SGCZ: variants seen among roughly 807,000 people sequenced by gnomAD.
SGCZ encodes zeta-sarcoglycan.
A neutral mutation model predicts 41.3 loss-of-function variants in SGCZ; 40 were observed. That is an observed-to-expected ratio of 0.97 (90% confidence interval 0.75 to 1.26). The LOEUF (loss-of-function observed/expected upper bound fraction) is 1.26. SGCZ is among the 50% of genes most tolerant of loss of function. The pLI is 0.00. For missense variants in SGCZ, 552 were observed against 369.8 expected (o/e 1.49, Z -4.04); for synonymous variants, 206 against 137.5 (o/e 1.50, Z -3.49).
intron 1 of SGCZ, among the ~76,000 whole-genome samples, chr8:14,644,189 T>G (rs1434708420): frequency 6.6e-6 from 1 of 151,734 alleles, no homozygotes; most frequent in Non-Finnish European, 1.5e-5. Flanking sequence ...CATCTAGATA[T>G]TGCTATAAAG....
At chr8:15,159,750 C>CG (rs1429917534) in intron 1 of SGCZ, among the ~76,000 whole-genome samples, 1 of 51,016 alleles carries the variant, frequency 2.0e-5, no homozygotes, top group African/African-American at 5.9e-5. Flanking sequence ...ACCCTCCCCC[C>CG]CACCCCCGCC....
intron 1 of SGCZ, among the ~76,000 whole-genome samples, chr8:15,205,899 G>T (rs1292635097): frequency 6.6e-6 from 1 of 152,112 alleles, no homozygotes; most frequent in Admixed American, 6.6e-5. Flanking sequence ...GGAATACTAT[G>T]CAGTCATAAA....
intron 2 of SGCZ, among the ~76,000 whole-genome samples, chr8:14,448,387 A>C (rs1800495674): frequency 6.6e-6 from 1 of 152,238 alleles, no homozygotes; most frequent in African/African-American, 2.4e-5. Context: ...AAACTGTTAC[A>C]GTGGGCCTCA....
In SGCZ at chr8:14,342,956, C is replaced by G. The variant is rs180991378; in HGVS notation, c.235-18752G>C. On this transcript the variant is annotated intron_variant, in intron 2 of 7. Transcript: ENST00000382080. ...GCCCAGGGTCCCTGGGCTGTGTGTG[C>G]AGCCTAGGGATTTGGTGCCCTGTGT... 6.3e-3 allele frequency among the ~76,000 whole-genome samples: 963 copies of G among 152,208 alleles called. 8 individuals are homozygous for G. The highest frequency in any genetic ancestry group is 0.02 in the South Asian group (98 of 4,828).
At chr8:14,760,527 A>C (rs145990449) in intron 1 of SGCZ, among the ~76,000 whole-genome samples, 1 of 152,212 alleles carries the variant, frequency 6.6e-6, no homozygotes, top group Non-Finnish European at 1.5e-5. Context: ...AAATGTATGC[A>C]TGTATTTTAT....
At chr8:14,662,920 T>C (rs1034632322) in intron 1 of SGCZ, among the ~76,000 whole-genome samples, 4 of 152,008 alleles carry the variant, frequency 2.6e-5, no homozygotes. Flanking sequence ...CTCTAGAAGA[T>C]AGAAATGGGT....
rs182602598 is a variant in SGCZ at position 14,947,231 on chromosome 8, A to G, written c.39+290354T>C. Among the ~76,000 whole-genome samples, 634 of 152,294 alleles carry G rather than the reference A, an allele frequency of 4.2e-3. 5 individuals carry two copies. The highest frequency in any genetic ancestry group is 0.018 in the South Asian group (86 of 4,826). Reference sequence around the variant, plus strand: ...ATGAGCACAGAGACAAAAGCGAAATATCCCGGAAGTATTTCAAATTTCTTA... The same window carrying G: ...ATGAGCACAGAGACAAAAGCGAAATGTCCCGGAAGTATTTCAAATTTCTTA... On this transcript the variant is annotated intron_variant, in intron 1 of 7. Transcript: ENST00000382080.
chr8:14,563,852 T>C (rs1804279154), intron 1 of SGCZ, among the ~76,000 whole-genome samples: 1 of 152,186 alleles, frequency 6.6e-6, no homozygotes, highest in African/African-American at 2.4e-5. Context: ...CAGAATGCAA[T>C]TGTATATTGA....
At chr8:14,469,818 G>A (rs928250699) in intron 2 of SGCZ, among the ~76,000 whole-genome samples, 13 of 152,276 alleles carry the variant, frequency 8.5e-5, no homozygotes, top group African/African-American at 3.1e-4. Flanking sequence ...GAGAGCTTCT[G>A]AAGAGCTGAA....
At chr8:14,276,078 T>G (rs62500228) in intron 3 of SGCZ, among the ~76,000 whole-genome samples, 7,204 of 152,258 alleles carry the variant, frequency 0.047, 261 homozygotes, top group East Asian at 0.16. Flanking sequence ...TGCTTCTTCC[T>G]TGGGGGAGAG....
intron 2 of SGCZ, among the ~76,000 whole-genome samples, chr8:14,453,111 A>T (rs1045182617): frequency 4.6e-5 from 7 of 152,126 alleles, no homozygotes; most frequent in Non-Finnish European, 8.8e-5. Context: ...TGGTCTCAAA[A>T]AATAATAATA....
At chr8:14,119,374 G>C (rs1275519134) in intron 5 of SGCZ, among the ~76,000 whole-genome samples, 1 of 145,772 alleles carries the variant, frequency 6.9e-6, no homozygotes, top group Non-Finnish European at 1.5e-5. Flanking sequence ...GTCTATTATT[G>C]GTGTTAGGAA....
At chr8:14,920,858 C>T (rs997461465) in intron 1 of SGCZ, among the ~76,000 whole-genome samples, 2 of 152,082 alleles carry the variant, frequency 1.3e-5, no homozygotes, top group Admixed American at 1.3e-4. Context: ...AATAGCATTG[C>T]TATAGTGGCA....
At chr8:15,128,215 T>C (rs1013749905) in intron 1 of SGCZ, among the ~76,000 whole-genome samples, 7 of 152,192 alleles carry the variant, frequency 4.6e-5, no homozygotes, top group African/African-American at 1.4e-4. Flanking sequence ...TTATTTTCAG[T>C]GCTCTCCCAC....
In SGCZ at chr8:14,915,555, G is replaced by T. The variant is rs568285621; in HGVS notation, c.39+322030C>A. On this transcript the variant is annotated intron_variant, in intron 1 of 7. Transcript: ENST00000382080. ...GCCCCATCTTCCCTCCTCTTTGTCA[G>T]CCACGTGTAGAGTAAAAAGCAGACA... is the stretch of plus-strand genomic sequence containing the variant. 1.1e-4 allele frequency among the ~76,000 whole-genome samples: 16 copies of T among 152,200 alleles called. 1 individual carries two copies. In the South Asian group the frequency reaches 3.3e-3, roughly 32 times the overall value.
chr8:14,650,449 C>T (rs998830445), intron 1 of SGCZ, among the ~76,000 whole-genome samples: 1 of 151,828 alleles, frequency 6.6e-6, no homozygotes, highest in African/African-American at 2.4e-5. Context: ...TTTCATCACA[C>T]AGGTACTAAG....
At chr8:14,571,357 T>A (rs113052647) in intron 1 of SGCZ, among the ~76,000 whole-genome samples, 2,618 of 152,244 alleles carry the variant, frequency 0.017, 71 homozygotes, top group African/African-American at 0.06. Flanking sequence ...CAATTGCAAA[T>A]GTATTTGCAT....
intron 6 of SGCZ, among the ~76,000 whole-genome samples, chr8:14,107,727 C>G (rs1802250312): frequency 6.6e-6 from 1 of 152,162 alleles, no homozygotes; most frequent in South Asian, 2.1e-4. Flanking sequence ...CAGCCACGAC[C>G]TCCTGGGCTC....
At chr8:14,877,453 T>C (rs1046623158) in intron 1 of SGCZ, among the ~76,000 whole-genome samples, 1 of 152,208 alleles carries the variant, frequency 6.6e-6, no homozygotes, top group Non-Finnish European at 1.5e-5. Context: ...AAAATCCAAC[T>C]GCTTCTAAAT....
Sources: gnomAD v4.1 joint callset for allele counts (sites outside exome capture counted in the v4.1 genomes callset) on GRCh38, gnomAD v4.1.1 for gene constraint, MANE v1.5 for transcripts, NCBI Gene and HGNC (gene_info 2026-07-23, HGNC 2026-07-21) for gene names.